COL10A1: variants seen among roughly 807,000 people sequenced by gnomAD.
The protein encoded by COL10A1 is collagen alpha-1(X) chain.
In COL10A1, 10 loss-of-function variants were observed where a neutral mutation model predicts 18.2. That is an observed-to-expected ratio of 0.55 (90% CI 0.34 to 0.93). The LOEUF (loss-of-function observed/expected upper bound fraction) is 0.93. Ranked by LOEUF, COL10A1 falls within the 40% of genes least tolerant of loss-of-function variation. The pLI, the probability that COL10A1 is intolerant of heterozygous loss-of-function variation, is 0.02. For synonymous variants in COL10A1, 330 were observed against 316.6 expected, an observed-to-expected ratio of 1.04 and a Z score of -0.45; for missense variants, 897 against 853.5, an observed-to-expected ratio of 1.05 and a Z score of -0.64.
the COL10A1 span, among the ~76,000 whole-genome samples, chr6:116,190,776 C>T: frequency 2.6e-5 from 4 of 151,966 alleles, no homozygotes; most frequent in African/African-American, 9.7e-5. Flanking sequence ...TGGAAAGAAT[C>T]GTTCTGCTGA....
chr6:116,119,918 C>A lies in COL10A1; in HGVS notation c.*155G>T. 1.4e-6 allele frequency: 1 copy of A among 726,532 alleles called. No homozygotes were observed. 45.0% of individuals were successfully genotyped at this position (726,532 alleles called of 1,614,324 possible). ...CGTTTTTACGTTGCTGCTCACTTTT[C>A]AGGGGGAAGGTTTGTTGGTCTGATA... On this transcript the variant is annotated 3_prime_UTR_variant, in exon 3 of 3. Coordinates refer to ENST00000651968, the MANE Select transcript of COL10A1 (RefSeq NM_000493.4).
At chr6:116,192,356 T>G in the COL10A1 span, among the ~76,000 whole-genome samples, 19 of 152,046 alleles carry the variant, frequency 1.2e-4, no homozygotes, top group Non-Finnish European at 2.4e-4. Flanking sequence ...ATTTCCGTTT[T>G]GGGTATACTC....
intron 1 of COL10A1, among the ~76,000 whole-genome samples, chr6:116,155,363 T>C (rs1482975026): frequency 6.6e-5 from 10 of 152,164 alleles, no homozygotes; most frequent in African/African-American, 2.4e-4. Flanking sequence ...TAGTGGTTTT[T>C]ATTTTTTGGT....
At chr6:116,185,611 A>T in the COL10A1 span, among the ~76,000 whole-genome samples, 1 of 152,090 alleles carries the variant, frequency 6.6e-6, no homozygotes, top group Non-Finnish European at 1.5e-5. Flanking sequence ...TTTTATCCTT[A>T]TATAATGTCC....
chr6:116,134,074 T>C (rs1779531728), intron 1 of COL10A1, among the ~76,000 whole-genome samples: 1 of 152,208 alleles, frequency 6.6e-6, no homozygotes, highest in Non-Finnish European at 1.5e-5. Context: ...TAATTTTATA[T>C]GTTAGGATCT....
chr6:116,149,037 C>T (rs1211711167), intron 1 of COL10A1, among the ~76,000 whole-genome samples: 1 of 152,062 alleles, frequency 6.6e-6, no homozygotes, highest in Non-Finnish European at 1.5e-5. Flanking sequence ...ATTTTTAGCC[C>T]ATTCCATGTG....
chr6:116,145,861 G>C (rs1320784581), intron 1 of COL10A1, among the ~76,000 whole-genome samples: 2 of 152,070 alleles, frequency 1.3e-5, no homozygotes, highest in Non-Finnish European at 2.9e-5. Flanking sequence ...GATACTTTCT[G>C]AACTTGTTTT....
rs527712978 is a variant in COL10A1 at position 116,144,177 on chromosome 6, A to G, written c.-16+14437T>C. Among the ~76,000 whole-genome samples the G allele has an allele frequency of 1.6e-4, 24 of 152,270 alleles. No individual in the cohort carries two copies. The South Asian group carries it at 4.8e-3, about 30-fold the overall frequency. On this transcript the variant is annotated intron_variant, in intron 1 of 1. Transcript: ENST00000418500. ...TGGAATCCTTTTTATAACAGACAGT[A>G]TGAAAACAAACATATTCTTCTTACA...
the COL10A1 span, among the ~76,000 whole-genome samples, chr6:116,189,894 A>C: frequency 5.9e-5 from 9 of 152,026 alleles, no homozygotes; most frequent in Non-Finnish European, 2.9e-5. Flanking sequence ...ATACTATGCT[A>C]TATGTATGTT....
At chr6:116,214,808 C>T in the COL10A1 span, among the ~76,000 whole-genome samples, 1,133 of 151,078 alleles carry the variant, frequency 7.5e-3, 13 homozygotes, top group Non-Finnish European at 8.9e-3. Context: ...TACCCTAAAA[C>T]TTAAAGTATA....
intron 1 of COL10A1, among the ~76,000 whole-genome samples, chr6:116,150,024 G>T (rs1779997772): frequency 6.6e-6 from 1 of 152,164 alleles, no homozygotes; most frequent in Admixed American, 6.5e-5. Flanking sequence ...CTGTTGAGGA[G>T]CTGAGAGAAG....
the COL10A1 span, among the ~76,000 whole-genome samples, chr6:116,190,553 A>C: frequency 6.6e-6 from 1 of 151,992 alleles, no homozygotes; most frequent in African/African-American, 2.4e-5. Context: ...CCTTTTTTAC[A>C]CAGCTAAAAT....
chr6:116,162,881 A>C (rs1466232653), upstream of COL10A1, among the ~76,000 whole-genome samples: 8 of 152,042 alleles, frequency 5.3e-5, no homozygotes, highest in Non-Finnish European at 1.0e-4. Context: ...TAATCCCAGC[A>C]CTTTGGGAGG....
upstream of COL10A1, among the ~76,000 whole-genome samples, chr6:116,129,194 G>A (rs184236137): frequency 3.4e-3 from 524 of 152,058 alleles, 2 homozygotes; most frequent in Non-Finnish European, 5.7e-3. Flanking sequence ...AAATCCTGTA[G>A]TTCACATACA....
chr6:116,179,325 T>C, the COL10A1 span, among the ~76,000 whole-genome samples: 1 of 152,170 alleles, frequency 6.6e-6, no homozygotes, highest in Non-Finnish European at 1.5e-5. Flanking sequence ...TACATTCTTA[T>C]ACTGATCAGA....
At chr6:116,123,197 A>G (rs892243851) in intron 2 of COL10A1, among the ~76,000 whole-genome samples, 1 of 152,198 alleles carries the variant, frequency 6.6e-6, no homozygotes, top group Non-Finnish European at 1.5e-5. Flanking sequence ...TTTTACTATT[A>G]AAAAGGAGAA....
At chr6:116,173,585 A>C in the COL10A1 span, among the ~76,000 whole-genome samples, 10 of 152,292 alleles carry the variant, frequency 6.6e-5, no homozygotes, top group Admixed American at 2.0e-4. Context: ...TCAGGGTATG[A>C]GGAGCTGTGG....
intron 1 of COL10A1, among the ~76,000 whole-genome samples, chr6:116,155,299 G>GA (rs1780158520): frequency 6.6e-6 from 1 of 152,090 alleles, no homozygotes; most frequent in Non-Finnish European, 1.5e-5. Flanking sequence ...GATAATCTGA[G>GA]AAAAATAATA....
At chr6:116,182,568 T>G in the COL10A1 span, among the ~76,000 whole-genome samples, 1 of 152,080 alleles carries the variant, frequency 6.6e-6, no homozygotes, top group South Asian at 2.1e-4. Context: ...ATTTTTTGAT[T>G]ATGGCCATTG....
Sources: allele counts gnomAD v4.1 joint callset (sites outside exome capture counted in the v4.1 genomes callset), GRCh38; gene constraint gnomAD v4.1.1; transcripts MANE v1.5; gene names NCBI Gene and HGNC (gene_info 2026-07-23, HGNC 2026-07-21).